RBFOX1: variants seen among roughly 807,000 people sequenced by gnomAD.
The protein encoded by RBFOX1 is RNA binding fox-1 homolog 1.
In RBFOX1, 8 loss-of-function variants were observed where a neutral mutation model predicts 57.7. The ratio of observed to expected loss-of-function variants is 0.14; its 90% CI spans 0.08 to 0.25. The LOEUF is 0.25. Ranked by LOEUF, RBFOX1 falls within the 10% of genes least tolerant of loss-of-function variation. The pLI is 1.00. For missense variants in RBFOX1, 611 were observed against 548.5 expected, an observed-to-expected ratio of 1.11 and a Z score of -1.14; for synonymous variants, 326 against 222.4, an observed-to-expected ratio of 1.47 and a Z score of -4.15.
intron 1 of RBFOX1, among the ~76,000 whole-genome samples, chr16:6,105,149 C>T (rs908940058): frequency 6.6e-6 from 1 of 152,212 alleles, no homozygotes; most frequent in Non-Finnish European, 1.5e-5. Flanking sequence ...TCCTCTCTCA[C>T]CTGAATCTTG....
At chr16:6,643,970 A>G (rs962760241) in intron 2 of RBFOX1, among the ~76,000 whole-genome samples, 2 of 150,194 alleles carry the variant, frequency 1.3e-5, no homozygotes, top group Non-Finnish European at 3.0e-5. Flanking sequence ...TACTAAAAAT[A>G]AAAAAAATAG....
At chr16:5,372,221 G>C (rs1350330889) in intron 1 of RBFOX1, among the ~76,000 whole-genome samples, 1 of 152,158 alleles carries the variant, frequency 6.6e-6, no homozygotes, top group Non-Finnish European at 1.5e-5. Context: ...ATGTTGTTCT[G>C]TCTCGGAAGG....
chr16:5,603,936 C>T (rs62016891), downstream of RBFOX1, among the ~76,000 whole-genome samples: 6,839 of 148,224 alleles, frequency 0.046, 199 homozygotes, highest in Non-Finnish European at 0.067. Context: ...ACTATACCCT[C>T]CTATACCCAA....
chr16:6,991,614 G>T (rs62016420), intron 3 of RBFOX1, among the ~76,000 whole-genome samples: 65,138 of 152,032 alleles, frequency 0.43, 17,182 homozygotes, highest in Non-Finnish European at 0.59. Flanking sequence ...TCAGCTCACT[G>T]CAACTTCCAC....
intron 4 of RBFOX1, among the ~76,000 whole-genome samples, chr16:7,063,894 T>A (rs759538394): frequency 6.6e-6 from 1 of 152,222 alleles, no homozygotes; most frequent in Non-Finnish European, 1.5e-5. Context: ...CACTCCATTT[T>A]ATATCAGAGA....
At chr16:6,415,485 G>T (rs810591) in intron 2 of RBFOX1, among the ~76,000 whole-genome samples, 1 of 151,444 alleles carries the variant, frequency 6.6e-6, no homozygotes, top group Non-Finnish European at 1.5e-5. Context: ...GGCGGATCAC[G>T]AGGTTAGGAG....
At chr16:5,852,719 C>G (rs1473921479) in intron 3 of RBFOX1, among the ~76,000 whole-genome samples, 2 of 152,070 alleles carry the variant, frequency 1.3e-5, no homozygotes, top group East Asian at 3.9e-4. Context: ...AATCCCAGCA[C>G]TTTGGGAGGC....
chr16:6,764,238 C>T (rs1027283943), intron 3 of RBFOX1, among the ~76,000 whole-genome samples: 1 of 152,174 alleles, frequency 6.6e-6, no homozygotes, highest in Non-Finnish European at 1.5e-5. Flanking sequence ...AGCTGGCATG[C>T]AAATTGGCTG....
At chr16:6,480,046 C>T (rs113159739) in intron 2 of RBFOX1, among the ~76,000 whole-genome samples, 13,310 of 128,994 alleles carry the variant, frequency 0.1, 1,917 homozygotes, top group African/African-American at 0.34. Flanking sequence ...CAAGACTCCA[C>T]CTCGAAAAAA....
intron 2 of RBFOX1, among the ~76,000 whole-genome samples, chr16:5,587,494 C>T (rs2046871479): frequency 6.6e-6 from 1 of 152,184 alleles, no homozygotes; most frequent in Admixed American, 6.5e-5. Flanking sequence ...AGGTGCATCA[C>T]CTGAGGTCAG....
chr16:6,662,388 A>C (rs2098707227), intron 3 of RBFOX1, among the ~76,000 whole-genome samples: 1 of 152,166 alleles, frequency 6.6e-6, no homozygotes, highest in Admixed American at 6.5e-5. Flanking sequence ...TGTATCTGTT[A>C]AATATATGCA....
intron 4 of RBFOX1, among the ~76,000 whole-genome samples, chr16:7,380,228 C>A (rs2097763172): frequency 1.3e-5 from 2 of 152,124 alleles, no homozygotes. Context: ...GTCAGAAATG[C>A]TCAGAGTTTA....
At chr16:7,039,834 C>G (rs998315050) in intron 3 of RBFOX1, among the ~76,000 whole-genome samples, 5 of 152,126 alleles carry the variant, frequency 3.3e-5, no homozygotes, top group Non-Finnish European at 7.3e-5. Flanking sequence ...ACCCTAGAAG[C>G]AGACGAGGCA....
rs372709740 is a variant in RBFOX1 at position 6,614,773 on chromosome 16, C to G, written c.-63-39830C>G. 1.4e-4 allele frequency among the ~76,000 whole-genome samples: 22 copies of G among 152,212 alleles called. 1 individual carries two copies. The East Asian group carries it at 3.5e-3, about 24-fold the overall frequency. On this transcript the variant is annotated intron_variant, in intron 2 of 15. Coordinates refer to ENST00000550418, the MANE Select transcript of RBFOX1 (RefSeq NM_018723.4). ...TCCATCTGTCTCTGACTTCACATGGCCATTTTATTTATGAGGACATCAGTC... is the reference window on the plus strand; with the variant it reads ...TCCATCTGTCTCTGACTTCACATGGGCATTTTATTTATGAGGACATCAGTC...
At chr16:7,616,442 C>T (rs1182872442) in intron 10 of RBFOX1, among the ~76,000 whole-genome samples, 1 of 152,268 alleles carries the variant, frequency 6.6e-6, no homozygotes, top group South Asian at 2.1e-4. Flanking sequence ...GACTGACCAA[C>T]TCTCAAACCT....
chr16:5,842,322 C>G (rs541343566), intron 3 of RBFOX1, among the ~76,000 whole-genome samples: 2 of 151,952 alleles, frequency 1.3e-5, no homozygotes, highest in African/African-American at 4.8e-5. Context: ...TAAGCTGATG[C>G]GAGCTGCTTC....
intron 2 of RBFOX1, among the ~76,000 whole-genome samples, chr16:6,532,144 C>A (rs2096666732): frequency 1.3e-5 from 2 of 152,138 alleles, no homozygotes; most frequent in African/African-American, 4.8e-5. Flanking sequence ...CTTGAGCTCA[C>A]CCTGGCTGGG....
At chr16:6,803,794 G>T (rs1309977574) in intron 3 of RBFOX1, among the ~76,000 whole-genome samples, 2 of 152,020 alleles carry the variant, frequency 1.3e-5, no homozygotes, top group Non-Finnish European at 2.9e-5. Flanking sequence ...ATGTTCGTTA[G>T]AGAGTTGTAC....
chr16:5,749,655 A>C (rs1033249198), intron 3 of RBFOX1, among the ~76,000 whole-genome samples: 3 of 152,238 alleles, frequency 2.0e-5, no homozygotes, highest in African/African-American at 7.2e-5. Flanking sequence ...CAGTTGATCG[A>C]ATCGGCTGCT....
Sources: allele counts gnomAD v4.1 joint callset (sites outside exome capture counted in the v4.1 genomes callset), GRCh38; gene constraint gnomAD v4.1.1; transcripts MANE v1.5; gene names NCBI Gene and HGNC (gene_info 2026-07-23, HGNC 2026-07-21).